Variants in EYS observed in about 807,000 individuals in gnomAD.
EYS encodes EGF-like photoreceptor maintenance factor.
A neutral mutation model predicts 282.1 loss-of-function variants in EYS; 250 were observed. The observed-to-expected ratio is 0.89, with a 90% CI of 0.80 to 0.98. The LOEUF (loss-of-function observed/expected upper bound fraction) is 0.98, where lower values mean the gene tolerates loss of function less well. EYS is among the 50% of genes least tolerant of loss of function. EYS has a pLI of 0.00. For synonymous variants in EYS, 1,355 were observed against 1,282.9 expected (o/e 1.06, Z -1.20); for missense variants, 4,016 against 3,709.0 (o/e 1.08, Z -2.15).
intron 26 of EYS, among the ~76,000 whole-genome samples, chr6:64,545,662 C>G (rs151255538): frequency 0.011 from 1,632 of 152,296 alleles, 34 homozygotes; most frequent in African/African-American, 0.036. Context: ...TGATAGGCAA[C>G]TTCAGCAAAG....
chr6:65,515,066 T>C (rs1376844198), intron 2 of EYS, among the ~76,000 whole-genome samples: 3 of 152,294 alleles, frequency 2.0e-5, no homozygotes, highest in African/African-American at 4.8e-5. Context: ...ATATCCAGAA[T>C]CTACAACGAA....
intron 29 of EYS, among the ~76,000 whole-genome samples, chr6:64,377,104 G>C (rs1037461684): frequency 6.6e-6 from 1 of 151,966 alleles, no homozygotes; most frequent in Non-Finnish European, 1.5e-5. Flanking sequence ...TAGATAGATA[G>C]ATGGATAGAT....
intron 1 of EYS, among the ~76,000 whole-genome samples, chr6:65,649,290 G>A (rs1346402716): frequency 1.3e-5 from 2 of 151,750 alleles, no homozygotes; most frequent in African/African-American, 4.8e-5. Flanking sequence ...AAGATTGGAC[G>A]CCTTTTCAAA....
chr6:65,665,652 G>A (rs1350251432), intron 1 of EYS, among the ~76,000 whole-genome samples: 3 of 151,992 alleles, frequency 2.0e-5, no homozygotes, highest in African/African-American at 7.2e-5. Context: ...GTGTGAAGGT[G>A]TCCAGTGAGC....
chr6:65,463,391 G>C lies in EYS; in HGVS notation c.862+27203C>G, dbSNP rs1363017895. On this transcript the variant is annotated intron_variant, in intron 5 of 42. Coordinates refer to ENST00000503581, the MANE Select transcript of EYS (RefSeq NM_001142800.2). ...TCTTCTAATCACCTTGTAAACAATTGATATAAAATTGGTAAACCTATTCTC... is the reference window on the plus strand; with the variant it reads ...TCTTCTAATCACCTTGTAAACAATTCATATAAAATTGGTAAACCTATTCTC... 6.6e-5 allele frequency among the ~76,000 whole-genome samples: 10 copies of C among 152,158 alleles called. No homozygotes were observed. In the East Asian group the frequency reaches 1.9e-3, roughly 29 times the overall value.
At chr6:65,019,529 C>T (rs764158771) in intron 13 of EYS, among the ~76,000 whole-genome samples, 13 of 152,158 alleles carry the variant, frequency 8.5e-5, no homozygotes, top group Admixed American at 6.6e-4. Context: ...GAGATAATAA[C>T]ATCACACAAC....
intron 5 of EYS, among the ~76,000 whole-genome samples, chr6:65,408,131 G>GA (rs905764687): frequency 5.9e-5 from 9 of 151,914 alleles, no homozygotes; most frequent in African/African-American, 1.5e-4. Context: ...GAATCCTGGG[G>GA]AAAAAATCGT....
At chr6:64,577,030 A>G (rs1367105614) in intron 26 of EYS, among the ~76,000 whole-genome samples, 1 of 152,124 alleles carries the variant, frequency 6.6e-6, no homozygotes, top group African/African-American at 2.4e-5. Flanking sequence ...GGAGGCAGAC[A>G]TTGGAGTGAT....
chr6:65,608,916 A>G (rs530699542), intron 2 of EYS, among the ~76,000 whole-genome samples: 12 of 152,020 alleles, frequency 7.9e-5, no homozygotes, highest in Non-Finnish European at 1.6e-4. Context: ...ACACACATGG[A>G]GCTGTTATCT....
intron 12 of EYS, among the ~76,000 whole-genome samples, chr6:65,181,273 C>T (rs1765375651): frequency 6.6e-6 from 1 of 152,048 alleles, no homozygotes; most frequent in Non-Finnish European, 1.5e-5. Context: ...AACAGGCAAC[C>T]TACAGAGTGG....
intron 1 of EYS, among the ~76,000 whole-genome samples, chr6:65,706,117 T>G (rs1329145467): frequency 1.3e-5 from 2 of 151,710 alleles, no homozygotes; most frequent in Non-Finnish European, 2.9e-5. Flanking sequence ...ATATGTATTT[T>G]AGAAATCACA....
chr6:65,544,115 T>C (rs535195447), intron 2 of EYS, among the ~76,000 whole-genome samples: 1 of 152,220 alleles, frequency 6.6e-6, no homozygotes, highest in South Asian at 2.1e-4. Context: ...TGTTTTGTTT[T>C]GTTTTTCCAT....
chr6:63,836,079 G>A (rs1441641977), intron 36 of EYS, among the ~76,000 whole-genome samples: 1 of 151,922 alleles, frequency 6.6e-6, no homozygotes, highest in South Asian at 2.1e-4. Flanking sequence ...TATTTCTCTG[G>A]ATTATATACT....
chr6:64,195,284 T>A (rs1313777408), intron 31 of EYS, among the ~76,000 whole-genome samples: 1 of 152,234 alleles, frequency 6.6e-6, no homozygotes, highest in African/African-American at 2.4e-5. Flanking sequence ...TGCAATTCAA[T>A]GGCTTTCCAT....
intron 15 of EYS, among the ~76,000 whole-genome samples, chr6:64,915,419 G>A (rs1175097920): frequency 1.3e-5 from 2 of 152,116 alleles, no homozygotes; most frequent in African/African-American, 2.4e-5. Context: ...AAGGTCCTCA[G>A]TGTTGAAACA....
At chr6:64,732,562 AT>A (rs1291905702) in intron 22 of EYS, among the ~76,000 whole-genome samples, 1 of 152,170 alleles carries the variant, frequency 6.6e-6, no homozygotes, top group East Asian at 1.9e-4. Flanking sequence ...TTGAATTCTT[AT>A]TTTTTGAGGG....
At chr6:64,322,219 T>C (rs1405562852) in intron 29 of EYS, among the ~76,000 whole-genome samples, 1 of 152,030 alleles carries the variant, frequency 6.6e-6, no homozygotes, top group Non-Finnish European at 1.5e-5. Context: ...CCAAGCTGTC[T>C]GCTCAGAAAA....
chr6:65,604,034 A>G (rs1011206949), intron 2 of EYS, among the ~76,000 whole-genome samples: 1 of 151,574 alleles, frequency 6.6e-6, no homozygotes, highest in Admixed American at 6.6e-5. Flanking sequence ...TTCAAACTGT[A>G]CTTTTTAAGC....
intron 26 of EYS, among the ~76,000 whole-genome samples, chr6:64,526,349 A>T (rs1435676799): frequency 1.3e-5 from 2 of 151,836 alleles, no homozygotes; most frequent in Non-Finnish European, 2.9e-5. Context: ...TTGGTTAAAG[A>T]CTATGTTGAA....
Sources: allele counts gnomAD v4.1 joint callset (sites outside exome capture counted in the v4.1 genomes callset), GRCh38; gene constraint gnomAD v4.1.1; transcripts MANE v1.5; gene names NCBI Gene and HGNC (gene_info 2026-07-23, HGNC 2026-07-21).